Variants in CHST11 observed in about 807,000 individuals in gnomAD.
CHST11 encodes carbohydrate sulfotransferase 11, also known as C4S-1.
Under a neutral mutation model 30.4 loss-of-function variants are expected in CHST11, and 9 were observed. That is an observed-to-expected ratio of 0.30 (90% CI 0.18 to 0.52). The LOEUF is 0.52. CHST11 is among the 20% of genes least tolerant of loss of function. The pLI is 0.97. For synonymous variants in CHST11, 152 were observed against 187.8 expected, an observed-to-expected ratio of 0.81 and a Z score of 1.56; for missense variants, 348 against 460.6, an observed-to-expected ratio of 0.76 and a Z score of 2.24.
intron 1 of CHST11, among the ~76,000 whole-genome samples, chr12:104,494,086 T>G (rs1446790611): frequency 6.6e-6 from 1 of 152,130 alleles, no homozygotes; most frequent in African/African-American, 2.4e-5. Flanking sequence ...GGGATTATAG[T>G]GTGAGCCACC....
At chr12:104,687,072 G>A (rs745388936) in intron 2 of CHST11, among the ~76,000 whole-genome samples, 1 of 152,262 alleles carries the variant, frequency 6.6e-6, no homozygotes, top group Admixed American at 6.5e-5. Context: ...TGGTCCTTCT[G>A]TATAGATGCC....
intron 2 of CHST11, among the ~76,000 whole-genome samples, chr12:104,640,875 C>A (rs2039370292): frequency 1.3e-5 from 2 of 152,140 alleles, no homozygotes; most frequent in Admixed American, 6.5e-5. Context: ...AGCTGAAAAG[C>A]CTAATACTGT....
intron 1 of CHST11, among the ~76,000 whole-genome samples, chr12:104,475,523 CAG>C (rs2037547862): frequency 6.6e-6 from 1 of 151,410 alleles, no homozygotes; most frequent in Non-Finnish European, 1.5e-5. Flanking sequence ...GGGGACAAAA[CAG>C]ACAATGATCC....
chr12:104,612,950 G>A (rs11613363), intron 2 of CHST11, among the ~76,000 whole-genome samples: 30,847 of 152,076 alleles, frequency 0.2, 3,696 homozygotes, highest in Admixed American at 0.28. Context: ...GGCTGGGCGC[G>A]GTGGCTCATG....
At chr12:104,693,427 G>A (rs949354933) in intron 2 of CHST11, among the ~76,000 whole-genome samples, 2 of 152,166 alleles carry the variant, frequency 1.3e-5, no homozygotes, top group Non-Finnish European at 2.9e-5. Context: ...ACTTTGAGAG[G>A]GAAGGATCGT....
chr12:104,564,540 A>G (rs117537183), intron 1 of CHST11, among the ~76,000 whole-genome samples: 2 of 152,308 alleles, frequency 1.3e-5, no homozygotes, highest in Non-Finnish European at 2.9e-5. Flanking sequence ...GTCTGCAAAC[A>G]ATGTAACTGT....
intron 2 of CHST11, among the ~76,000 whole-genome samples, chr12:104,622,644 G>A (rs1277214601): frequency 6.6e-6 from 1 of 152,234 alleles, no homozygotes; most frequent in East Asian, 1.9e-4. Context: ...AGAGCATGCC[G>A]GTTCAGAGCA....
intron 2 of CHST11, among the ~76,000 whole-genome samples, chr12:104,656,141 C>G (rs778414102): frequency 4.6e-5 from 7 of 152,198 alleles, no homozygotes. Context: ...CAGTTGGCCA[C>G]TGGTAGGGAG....
intron 1 of CHST11, among the ~76,000 whole-genome samples, chr12:104,513,861 A>G (rs574326557): frequency 6.6e-6 from 1 of 152,366 alleles, no homozygotes; most frequent in Admixed American, 6.5e-5. Context: ...CAGTGGCGTC[A>G]GAAGGCCAAG....
chr12:104,649,313 T>C (rs1294593891), intron 2 of CHST11, among the ~76,000 whole-genome samples: 1 of 152,188 alleles, frequency 6.6e-6, no homozygotes, highest in Non-Finnish European at 1.5e-5. Flanking sequence ...AACAGCAATA[T>C]TAGCTATCCT....
intron 1 of CHST11, among the ~76,000 whole-genome samples, chr12:104,527,911 C>A (rs1208936535): frequency 6.6e-6 from 1 of 152,122 alleles, no homozygotes; most frequent in Non-Finnish European, 1.5e-5. Context: ...GAGGAAGTAC[C>A]ACACTTTACA....
At chr12:104,670,536 C>T (rs1472256332) in intron 2 of CHST11, among the ~76,000 whole-genome samples, 1 of 151,568 alleles carries the variant, frequency 6.6e-6, no homozygotes, top group Non-Finnish European at 1.5e-5. Context: ...CATGCACTCA[C>T]ACTTACACAC....
Position 104,758,127 on chromosome 12 carries a change from A to G in CHST11, c.*324A>G, listed in dbSNP as rs955768663. The stretch of plus-strand genomic sequence containing the variant: ...ATAGTTATTTAAACATGGTCTCATT[A>G]TTTCTTTTTGTGGCAGCAAAATTCT... On this transcript the variant is annotated 3_prime_UTR_variant, in exon 3 of 3. Transcript: ENST00000303694. 1.6e-5 allele frequency: 3 copies of G among 186,398 alleles called. No homozygotes were observed. The highest frequency in any genetic ancestry group is 7.1e-5 in the African/African-American group (3 of 42,164). The allele number at this position is 186,398 out of a possible 1,614,324, so 11.5% of individuals were successfully genotyped here.
In CHST11 at chr12:104,484,354, C is replaced by G. The variant is rs373789197; in HGVS notation, c.118+26825C>G. 2.6e-5 allele frequency among the ~76,000 whole-genome samples: 4 copies of G among 152,214 alleles called. No individual in the cohort carries two copies. The East Asian group carries it at 7.7e-4, about 29-fold the overall frequency. ...TCTGGGAAGTCCTGCCATTAAGAACCCCAGTTAACCCAGAATTTCTTAAAC... is the reference window on the plus strand; with the variant it reads ...TCTGGGAAGTCCTGCCATTAAGAACGCCAGTTAACCCAGAATTTCTTAAAC... On this transcript the variant is annotated intron_variant, in intron 1 of 2. Transcript: ENST00000303694.
Position 104,592,604 on chromosome 12 carries a change from A to G in CHST11, c.119-9302A>G, listed in dbSNP as rs577969051. Among the ~76,000 whole-genome samples, 13 of 152,332 alleles carry G rather than the reference A, an allele frequency of 8.5e-5. No individual in the cohort carries two copies. The East Asian group carries it at 2.3e-3, about 27-fold the overall frequency. The stretch of plus-strand genomic sequence containing the variant: ...CATGAATTTTAGTGGGGACACAAAC[A>G]TCCAGATTATAGCACTTTGCGTCCT... On this transcript the variant is annotated intron_variant, in intron 1 of 2. Transcript: ENST00000303694.
chr12:104,544,105 CAGAG>C (rs1375494797), intron 1 of CHST11, among the ~76,000 whole-genome samples: 10 of 116,634 alleles, frequency 8.6e-5, no homozygotes, highest in Middle Eastern at 4.9e-3. Flanking sequence ...GCCTGGGCAA[CAGAG>C]AGAGACCCTG....
chr12:104,710,368 TC>T (rs914354507), intron 2 of CHST11, among the ~76,000 whole-genome samples: 24 of 152,142 alleles, frequency 1.6e-4, no homozygotes, highest in Admixed American at 1.6e-3. Context: ...GGGCAGACAT[TC>T]CCAGCAGGCT....
intron 1 of CHST11, among the ~76,000 whole-genome samples, chr12:104,564,601 C>T (rs946986109): frequency 2.6e-5 from 4 of 152,222 alleles, no homozygotes; most frequent in Non-Finnish European, 5.9e-5. Context: ...CTCTTGGAGC[C>T]TAGTTCCCTC....
chr12:104,627,411 T>A (rs989982093), intron 2 of CHST11, among the ~76,000 whole-genome samples: 2 of 152,200 alleles, frequency 1.3e-5, no homozygotes, highest in Non-Finnish European at 2.9e-5. Context: ...TTTAAAAAAA[T>A]TTAATGAGAT....
Sources: allele counts gnomAD v4.1 joint callset (sites outside exome capture counted in the v4.1 genomes callset), GRCh38; gene constraint gnomAD v4.1.1; transcripts MANE v1.5; gene names NCBI Gene and HGNC (gene_info 2026-07-23, HGNC 2026-07-21).